Variants in MED24 observed in about 807,000 individuals in gnomAD.
MED24 encodes the protein mediator of RNA polymerase II transcription subunit 24.
MED24 carries 74 observed loss-of-function variants against 118.8 expected under a neutral mutation model. The observed-to-expected ratio is 0.62, with a 90% confidence interval of 0.52 to 0.76. The LOEUF (loss-of-function observed/expected upper bound fraction) is 0.76, where lower values mean the gene tolerates loss of function less well. Ranked by LOEUF, MED24 falls within the 30% of genes least tolerant of loss-of-function variation. MED24 has a pLI of 0.00. For synonymous variants in MED24, 521 were observed against 523.9 expected, an observed-to-expected ratio of 0.99 and a Z score of 0.08; for missense variants, 1,041 against 1,278.9, an observed-to-expected ratio of 0.81 and a Z score of 2.84.
At position 40,026,911 on chromosome 17, in the gene MED24, T is replaced by C; in HGVS notation, c.1654A>G (p.Thr552Ala). 6.2e-7 allele frequency: 1 copy of C among 1,614,010 alleles called. No homozygotes were observed. The highest frequency in any genetic ancestry group is 8.5e-7 in the Non-Finnish European group (1 of 1,179,992). ...PDHPCFRPDS[T>A]KVESLVALLN... ...AGGGCCACCAGGGACTCCACTTTGG[T>C]GGAGTCGGGGCGGAAGCAGGGGTGG... Residue 552 changes from threonine to alanine, a missense_variant, in exon 17 of 26, where the codon ACC becomes GCC. Thr to Ala is a moderately conservative substitution (Grantham distance 58, BLOSUM62 0). Around this residue, in one of 3 missense-constraint regions of MED24, gnomAD observed 587 missense variants for 694.4 expected, o/e 0.85. Transcript: ENST00000394128.
chr17:40,020,571 T>A, intron 23 of MED24: 1 of 1,017,734 alleles, frequency 9.8e-7, no homozygotes, highest in Non-Finnish European at 1.4e-6. Context: ...GAGGATCGCT[T>A]GAGTCCAGGA....
chr17:40,020,658 C>T (rs545167347), intron 23 of MED24: 78 of 398,776 alleles, frequency 2.0e-4, no homozygotes, highest in Non-Finnish European at 2.3e-4. Context: ...GTGGTGCCAA[C>T]GCCTGTAGTC....
rs189752671 is a variant in MED24 at position 40,019,945 on chromosome 17, G to T, written c.2705-12C>A. 19 of 1,559,098 alleles carry T rather than the reference G, an allele frequency of 1.2e-5. No homozygotes were observed. The highest frequency in any genetic ancestry group is 3.3e-4 in the Middle Eastern group (2 of 6,022). ...CAGGAACAGGTTGGCTGTAGAGAGT[G>T]GGGGGAGAGTGACAGGAGGGAGTTC... On this transcript the variant is annotated splice_polypyrimidine_tract_variant and intron_variant, in intron 24 of 25. Transcript: ENST00000394128.
At chr17:40,028,540 A>C (rs1480058466) in intron 14 of MED24, among the ~76,000 whole-genome samples, 1 of 144,482 alleles carries the variant, frequency 6.9e-6, no homozygotes, top group Admixed American at 6.7e-5. Context: ...GCCCCTTATT[A>C]ATAACTGGGC....
intron 3 of MED24, among the ~76,000 whole-genome samples, chr17:40,040,166 C>T (rs1270971663): frequency 2.6e-5 from 4 of 151,484 alleles, no homozygotes; most frequent in Non-Finnish European, 5.9e-5. Flanking sequence ...GCAACCTCTG[C>T]CTCCTGGGTT....
At chr17:40,021,152 G>C (rs1432489723) in intron 23 of MED24, 1 of 152,690 alleles carries the variant, frequency 6.5e-6, no homozygotes, top group Non-Finnish European at 1.5e-5. Context: ...GATCCCAATG[G>C]AATGAGAGAG....
intron 3 of MED24, among the ~76,000 whole-genome samples, chr17:40,045,039 T>C (rs554786233): frequency 1.3e-3 from 200 of 152,296 alleles, no homozygotes; most frequent in African/African-American, 4.7e-3. Context: ...AGATATTCCA[T>C]TGTGAGGTAT....
chr17:40,045,257 T>C (rs1985035322), intron 3 of MED24, among the ~76,000 whole-genome samples: 1 of 151,944 alleles, frequency 6.6e-6, no homozygotes, highest in Non-Finnish European at 1.5e-5. Flanking sequence ...GAGACCAGCC[T>C]GGCCAACATG....
chr17:40,037,922 A>G (rs1160504477), intron 3 of MED24, among the ~76,000 whole-genome samples: 1 of 152,100 alleles, frequency 6.6e-6, no homozygotes, highest in Admixed American at 6.6e-5. Flanking sequence ...AAAAAAAAAA[A>G]AAAGAAATGT....
Position 40,035,728 on chromosome 17 carries a change from C to A in MED24, c.320G>T (p.Arg107Leu). ...CCCTTACCCCTGCCCTTACCTCAGA[C>A]GGTCACAAAACATGTCCATGATGTC... ...LLDIMDMFCD[R>L]LSCHGKAEEC... Residue 107 changes from arginine (R) to leucine (L), a missense_variant, in exon 5 of 26, where the codon CGT becomes CTT. Arg to Leu is a moderately radical substitution (Grantham distance 102, BLOSUM62 -2). Coordinates refer to ENST00000394128, the MANE Select transcript of MED24 (RefSeq NM_014815.4). The A allele has an allele frequency of 6.2e-7, 1 of 1,613,888 alleles. No homozygotes were observed. Among genetic ancestry groups the A allele is most frequent in the Non-Finnish European group, 8.5e-7 (1 of 1,179,846 alleles).
chr17:40,048,881 A>G (rs894438767), intron 3 of MED24, among the ~76,000 whole-genome samples: 1 of 152,158 alleles, frequency 6.6e-6, no homozygotes. Context: ...TAATATTTGA[A>G]GAAATTTATT....
intron 3 of MED24, among the ~76,000 whole-genome samples, chr17:40,051,619 T>C (rs1249436151): frequency 2.8e-5 from 4 of 142,828 alleles, no homozygotes; most frequent in African/African-American, 1.1e-4. Context: ...CCTCAATCAA[T>C]CAATCAATCA....
chr17:40,036,255 A>C, intron 3 of MED24, 101 bp from the exon 4 acceptor site: 1 of 1,209,418 alleles, frequency 8.3e-7, no homozygotes, highest in Non-Finnish European at 1.2e-6. Context: ...CCTGAACCTC[A>C]ACCCCTTCCA....
At chr17:40,039,053 C>T (rs1984264301) in intron 3 of MED24, among the ~76,000 whole-genome samples, 1 of 152,148 alleles carries the variant, frequency 6.6e-6, no homozygotes, top group Non-Finnish European at 1.5e-5. Context: ...TTGCTGGATA[C>T]CAACCTGCAG....
In MED24 at chr17:40,026,153, G is replaced by C. The variant is rs111705629; in HGVS notation, c.1985+3C>G. 2.5e-6 allele frequency: 4 copies of C among 1,610,724 alleles called. No individual in the cohort carries two copies. Among genetic ancestry groups the C allele is most frequent in the Non-Finnish European group, 3.4e-6 (4 of 1,177,292 alleles). Reference sequence around the variant, plus strand: ...GTCTGAGAAGGGAAGGCAGGTTACCGACCTCTCATTGTAGAACTGCAGGGT... The same window carrying C: ...GTCTGAGAAGGGAAGGCAGGTTACCCACCTCTCATTGTAGAACTGCAGGGT... On this transcript the variant is annotated splice_donor_region_variant and intron_variant, in intron 19 of 25. Coordinates refer to ENST00000394128, the MANE Select transcript of MED24 (RefSeq NM_014815.4).
chr17:40,053,642 G>A lies in MED24; in HGVS notation c.-37-7C>T. On this transcript the variant is annotated splice_polypyrimidine_tract_variant and splice_region_variant and intron_variant, in intron 1 of 25. Coordinates refer to ENST00000394128, the MANE Select transcript of MED24 (RefSeq NM_014815.4). ...TGGCAGCGGTGGCGGCCAGCTTTGA[G>A]GTGAAAGAAATGGAGCTAAAGAAAA... The A allele has an allele frequency of 1.2e-6, 2 of 1,613,496 alleles. No individual in the cohort carries two copies. The highest frequency in any genetic ancestry group is 1.1e-5 in the South Asian group (1 of 91,076).
chr17:40,027,348 CT>C, intron 16 of MED24, 34 bp downstream of exon 16: 1 of 1,595,954 alleles, frequency 6.3e-7, no homozygotes, highest in Non-Finnish European at 8.5e-7. Context: ...ACCTCCTTCC[CT>C]TGAGCCCCCG....
At chr17:40,023,912 G>T (rs556408243) in intron 19 of MED24, among the ~76,000 whole-genome samples, 13 of 152,316 alleles carry the variant, frequency 8.5e-5, no homozygotes, top group Admixed American at 7.8e-4. Context: ...ATGGAAAGAG[G>T]CTTCGGAAGT....
chr17:40,053,210 C>T (rs1026113375), intron 3 of MED24, 88 bp downstream of exon 3: 3 of 1,250,998 alleles, frequency 2.4e-6, no homozygotes, highest in African/African-American at 3.0e-5. Flanking sequence ...GCTGGGATTA[C>T]AGCCATGAAC....
Sources: allele counts gnomAD v4.1 joint callset (sites outside exome capture counted in the v4.1 genomes callset), GRCh38; gene constraint gnomAD v4.1.1; regional missense constraint gnomAD v4.1.1; transcripts MANE v1.5; gene names NCBI Gene and HGNC (gene_info 2026-07-23, HGNC 2026-07-21).